CIBAR2: variants seen among roughly 807,000 people sequenced by gnomAD.
CIBAR2 encodes CBY1-interacting BAR domain-containing protein 2.
In CIBAR2, 38 loss-of-function variants were observed where a neutral mutation model predicts 36.2. That is an observed-to-expected ratio of 1.05 (90% confidence interval 0.81 to 1.38). CIBAR2 has a LOEUF of 1.38. CIBAR2 is among the 40% of genes most tolerant of loss of function. CIBAR2 has a pLI of 0.00. For synonymous variants in CIBAR2, 182 were observed against 149.5 expected (o/e 1.22, Z -1.58); for missense variants, 481 against 383.4 (o/e 1.25, Z -2.13).
chr16:85,098,584 C>G lies in CIBAR2; in HGVS notation c.*601G>C, dbSNP rs1208613308. The G allele has an allele frequency of 3.0e-6, 3 of 985,882 alleles. No individual in the cohort carries two copies. The African/African-American group carries it at 5.2e-5, about 17-fold the overall frequency. 61.1% of individuals were successfully genotyped at this position (985,882 alleles called of 1,614,324 possible). ...CAGTTCTCTCTTATGGGGTCCCTGC[C>G]CCAGTGCCCTGAGGTCCTCCACGGG... is the stretch of plus-strand genomic sequence containing the variant. On this transcript the variant is annotated 3_prime_UTR_variant, in exon 9 of 9. Coordinates refer to ENST00000539556, the MANE Select transcript of CIBAR2 (RefSeq NM_198491.3).
chr16:85,112,254 C>A, intron 1 of CIBAR2, 79 bp downstream of exon 1: 1 of 1,352,770 alleles, frequency 7.4e-7, no homozygotes, highest in African/African-American at 1.4e-5. Context: ...GCCCTGCTGC[C>A]CTCATCTTTG....
chr16:85,098,582 G>T lies in CIBAR2; in HGVS notation c.*603C>A, dbSNP rs901607229. Reference sequence around the variant, plus strand: ...GGCAGTTCTCTCTTATGGGGTCCCTGCCCCAGTGCCCTGAGGTCCTCCACG... The same window carrying T: ...GGCAGTTCTCTCTTATGGGGTCCCTTCCCCAGTGCCCTGAGGTCCTCCACG... On this transcript the variant is annotated 3_prime_UTR_variant, in exon 9 of 9. Coordinates refer to ENST00000539556, the MANE Select transcript of CIBAR2 (RefSeq NM_198491.3). The T allele has an allele frequency of 4.1e-6, 4 of 985,838 alleles. No homozygotes were observed. The highest frequency in any genetic ancestry group is 4.8e-6 in the Non-Finnish European group (4 of 830,020). The allele number at this position is 985,838 out of a possible 1,614,324, so 61.1% of individuals were successfully genotyped here.
chr16:85,112,345 A>G lies in CIBAR2; in HGVS notation c.8T>C (p.Ile3Thr), dbSNP rs749571076. 9 of 1,613,810 alleles carry G rather than the reference A, an allele frequency of 5.6e-6. No homozygotes were observed. The African/African-American group carries it at 1.2e-4, about 22-fold the overall frequency. Residue 3 changes from isoleucine (I) to threonine (T), a missense_variant, in exon 1 of 9, where the codon ATC becomes ACC. Ile to Thr is a moderately conservative substitution (Grantham distance 89, BLOSUM62 -1). Coordinates refer to ENST00000539556, the MANE Select transcript of CIBAR2 (RefSeq NM_198491.3). ...CTGGCCCACTCACCTGGAGAAGACG[A>G]TGTTCATTGTGACCAGAGCTTTGGC... MN[I>T]VFSRDSQVRV...
At chr16:85,099,864 A>G (rs996734313) in intron 8 of CIBAR2, among the ~76,000 whole-genome samples, 2 of 143,252 alleles carry the variant, frequency 1.4e-5, no homozygotes, top group African/African-American at 2.6e-5. Flanking sequence ...GCTGGTCTCG[A>G]ACTCCTGACC....
At position 85,107,891 on chromosome 16, in the gene CIBAR2, T is replaced by G. The variant is rs2074009157; in HGVS notation, c.381A>C (p.Lys127Asn). ...GTGACTTCTGCCTCAGTTTCTCCAG[T>G]TTTTCCAGTTGTTTGATCTCATGAT... ...VQNHEIKQLE[K>N]LEKLRQKSPS... Residue 127 changes from lysine to asparagine, a missense_variant, in exon 4 of 9, where the codon AAA (lysine) becomes AAC (asparagine). By Grantham distance (94) the Lys-to-Asn change is moderately conservative. Transcript: ENST00000539556. 3 of 1,614,146 alleles carry G rather than the reference T, an allele frequency of 1.9e-6. No homozygotes were observed. The highest frequency in any genetic ancestry group is 2.5e-6 in the Non-Finnish European group (3 of 1,179,986).
Position 85,112,425 on chromosome 16 carries a change from G to A in CIBAR2, c.-73C>T. On this transcript the variant is annotated 5_prime_UTR_variant, in exon 1 of 9. Coordinates refer to ENST00000539556, the MANE Select transcript of CIBAR2 (RefSeq NM_198491.3). ...CCCCAGGGGTCCTGCAGGCCTGGGA[G>A]GAGCCGGGCAGGGCTGGGTGCAGCT... 1 of 1,485,540 alleles carries A rather than the reference G, an allele frequency of 6.7e-7. No individual in the cohort carries two copies. The allele number at this position is 1,485,540 out of a possible 1,614,324, so 92.0% of individuals were successfully genotyped here. A position where few individuals can be genotyped will look rare whatever the true frequency, so the allele number is the denominator to read the frequency against.
At chr16:85,110,019 C>G (rs1480467408) in intron 2 of CIBAR2, among the ~76,000 whole-genome samples, 1 of 152,142 alleles carries the variant, frequency 6.6e-6, no homozygotes, top group Non-Finnish European at 1.5e-5. Context: ...GACCCTTCAT[C>G]CGACTCAGCA....
intron 6 of CIBAR2, among the ~76,000 whole-genome samples, chr16:85,104,439 G>T (rs1436212097): frequency 6.6e-6 from 1 of 152,056 alleles, no homozygotes; most frequent in Non-Finnish European, 1.5e-5. Flanking sequence ...TAGGCGCGGT[G>T]GGTCACACCT....
intron 5 of CIBAR2, among the ~76,000 whole-genome samples, chr16:85,107,153 A>T (rs1597669475): frequency 6.6e-6 from 1 of 151,582 alleles, no homozygotes; most frequent in Non-Finnish European, 1.5e-5. Flanking sequence ...TCTCTCAAAA[A>T]AAAGGGGGGG....
In CIBAR2 at chr16:85,105,308, C is replaced by T. The variant is rs781292282; in HGVS notation, c.537+19G>A. The T allele has an allele frequency of 1.9e-6, 3 of 1,565,488 alleles. No homozygotes were observed. The highest frequency in any genetic ancestry group is 1.1e-5 in the South Asian group (1 of 89,986). On this transcript the variant is annotated intron_variant, in intron 6 of 8. Transcript: ENST00000539556. ...CAAGGCAGCCCAGGGCGCCTCCCAT[C>T]CCGGCCAACCACCCTCACCTGCAGG...
chr16:85,100,813 C>A (rs944228948), intron 7 of CIBAR2, among the ~76,000 whole-genome samples: 1 of 152,106 alleles, frequency 6.6e-6, no homozygotes, highest in Non-Finnish European at 1.5e-5. Flanking sequence ...TTTGGGAGGC[C>A]GAGGCGGGCA....
chr16:85,099,156 C>T lies in CIBAR2; in HGVS notation c.*29G>A, dbSNP rs765870673. ...CCAGGCAGTCTGGGATTATTTTAAACGGCTTGGGATTGCACTTACCCTACG... is the reference window on the plus strand; with the variant it reads ...CCAGGCAGTCTGGGATTATTTTAAATGGCTTGGGATTGCACTTACCCTACG... On this transcript the variant is annotated 3_prime_UTR_variant, in exon 9 of 9. Transcript: ENST00000539556. The T allele has an allele frequency of 8.0e-5, 118 of 1,477,790 alleles. 1 individual carries two copies. The South Asian group carries it at 1.0e-3, about 13-fold the overall frequency. 91.5% of individuals were successfully genotyped at this position (1,477,790 alleles called of 1,614,324 possible). A position where few individuals can be genotyped will look rare whatever the true frequency, so the allele number is the denominator to read the frequency against.
At chr16:85,103,901 A>T (rs1466167581) in intron 6 of CIBAR2, among the ~76,000 whole-genome samples, 1 of 152,186 alleles carries the variant, frequency 6.6e-6, no homozygotes, top group Non-Finnish European at 1.5e-5. Context: ...GGCACACAGC[A>T]CACCACAAAC....
At chr16:85,110,482 C>A in intron 1 of CIBAR2, 22 bp from the exon 2 acceptor site, 1 of 1,552,308 alleles carries the variant, frequency 6.4e-7, no homozygotes. Flanking sequence ...GGGACCTGAG[C>A]AGCCATTCTG....
chr16:85,110,570 G>A, intron 1 of CIBAR2, 110 bp from the exon 2 acceptor site: 2 of 750,240 alleles, frequency 2.7e-6, no homozygotes, highest in Non-Finnish European at 4.2e-6. Flanking sequence ...GCCGGCCTCT[G>A]GTGTGGCACG....
rs1163409122 is a variant in CIBAR2 at position 85,104,592 on chromosome 16, T to C, written c.537+735A>G. Among the ~76,000 whole-genome samples, 12 of 152,220 alleles carry C rather than the reference T, an allele frequency of 7.9e-5. No individual in the cohort carries two copies. In the South Asian group the frequency reaches 2.5e-3, roughly 32 times the overall value. ...TTAGCTGGGCGTGGTGGTACGTGCC[T>C]ATAATCTCAGCTACTTGGGAGGCTG... On this transcript the variant is annotated intron_variant, in intron 6 of 8. Coordinates refer to ENST00000539556, the MANE Select transcript of CIBAR2 (RefSeq NM_198491.3).
intron 1 of CIBAR2, among the ~76,000 whole-genome samples, chr16:85,111,703 G>A (rs891760293): frequency 4.3e-4 from 65 of 152,162 alleles, no homozygotes; most frequent in Admixed American, 2.5e-3. Context: ...AAAATTAACC[G>A]GGCGTAATAG....
chr16:85,112,376 C>A lies in CIBAR2; in HGVS notation c.-24G>T. On this transcript the variant is annotated 5_prime_UTR_variant, in exon 1 of 9. Transcript: ENST00000539556. Reference sequence around the variant, plus strand: ...ATTGTGACCAGAGCTTTGGCTGTCCCGGTGCTGGGGAATAAGGACAGGGCC... The same window carrying A: ...ATTGTGACCAGAGCTTTGGCTGTCCAGGTGCTGGGGAATAAGGACAGGGCC... 6.2e-7 allele frequency: 1 copy of A among 1,613,128 alleles called. No homozygotes were observed. The highest frequency in any genetic ancestry group is 8.5e-7 in the Non-Finnish European group (1 of 1,179,192).
At chr16:85,110,129 T>C in intron 2 of CIBAR2, 97 bp downstream of exon 2, 1 of 882,622 alleles carries the variant, frequency 1.1e-6, no homozygotes, top group Non-Finnish European at 1.7e-6. Flanking sequence ...ACCCATTGGC[T>C]GTGGCCACAG....
Sources: gnomAD v4.1 joint callset for allele counts (sites outside exome capture counted in the v4.1 genomes callset) on GRCh38, gnomAD v4.1.1 for gene constraint, MANE v1.5 for transcripts, NCBI Gene and HGNC (gene_info 2026-07-23, HGNC 2026-07-21) for gene names.